Variants in NWD2 observed in about 807,000 individuals in gnomAD.
NWD2 encodes the protein NACHT and WD repeat domain containing 2, also known as NACHT and WD repeat domain-containing protein 2.
In NWD2, 37 loss-of-function variants were observed where a neutral mutation model predicts 132.7. That is an observed-to-expected ratio of 0.28 (90% CI 0.21 to 0.37). NWD2 has a LOEUF of 0.37. Among genes scored for constraint, NWD2 ranks in the 10% least tolerant of loss-of-function variants. The pLI is 1.00. For synonymous variants in NWD2, 705 were observed against 803.0 expected (o/e 0.88, Z 2.06); for missense variants, 1,592 against 2,122.4 (o/e 0.75, Z 4.91).
chr4:37,369,195 G>A (rs1410096160), intron 3 of NWD2, among the ~76,000 whole-genome samples: 5 of 151,910 alleles, frequency 3.3e-5, no homozygotes, highest in Admixed American at 1.3e-4. Context: ...TTTATGAAAG[G>A]TAATTATTTG....
chr4:37,393,939 A>G (rs917506219), intron 3 of NWD2, among the ~76,000 whole-genome samples: 9 of 152,218 alleles, frequency 5.9e-5, no homozygotes, highest in South Asian at 2.1e-4. Context: ...CGGTTCCCCA[A>G]TGGCAAAGAT....
At chr4:37,309,615 A>G (rs1405154614) in intron 1 of NWD2, among the ~76,000 whole-genome samples, 1 of 152,068 alleles carries the variant, frequency 6.6e-6, no homozygotes. Context: ...GTGGGAACTC[A>G]GCATGAGTTC....
At chr4:37,419,945 A>G (rs1173524380) in intron 3 of NWD2, among the ~76,000 whole-genome samples, 1 of 152,196 alleles carries the variant, frequency 6.6e-6, no homozygotes, top group East Asian at 1.9e-4. Flanking sequence ...GCCAAACTAC[A>G]TCTTCAAAAT....
chr4:37,408,541 G>A (rs1333542692), intron 3 of NWD2, among the ~76,000 whole-genome samples: 1 of 152,246 alleles, frequency 6.6e-6, no homozygotes, highest in African/African-American at 2.4e-5. Context: ...GGGACTTGCA[G>A]ATAAAACCCC....
At chr4:37,304,134 A>G (rs945735425) in intron 1 of NWD2, among the ~76,000 whole-genome samples, 8 of 152,208 alleles carry the variant, frequency 5.3e-5, no homozygotes, top group African/African-American at 1.7e-4. Context: ...GAAAACTTAC[A>G]GTCATGGTGG....
At chr4:37,328,810 T>G (rs12512083) in intron 2 of NWD2, among the ~76,000 whole-genome samples, 25,206 of 152,106 alleles carry the variant, frequency 0.17, 2,501 homozygotes, top group East Asian at 0.37. Flanking sequence ...ACCTCTCTTT[T>G]GCATCATACT....
rs1377888900 is a variant in NWD2, at chr4:37,244,911, C to T, written c.-157C>T. ...CTCCTCGCCGGCGGGTGCTGTGCGC[C>T]ACGGAGCTCGCCAAAGGCGCTTCGG... On this transcript the variant is annotated 5_prime_UTR_variant, in exon 1 of 7. Coordinates refer to ENST00000309447, the MANE Select transcript of NWD2 (RefSeq NM_001144990.2). The surrounding 1 kb of genome is among the most constrained non-coding windows in gnomAD (Gnocchi z 5.5). 2.2e-6 allele frequency: 2 copies of T among 921,722 alleles called. No homozygotes were observed. Among genetic ancestry groups the T allele is most frequent in the African/African-American group, 1.8e-5 (1 of 56,660 alleles). 57.1% of individuals were successfully genotyped at this position (921,722 alleles called of 1,614,324 possible). A position where few individuals can be genotyped will look rare whatever the true frequency, so the allele number is the denominator to read the frequency against.
At chr4:37,290,719 A>AG (rs1718341672) in intron 1 of NWD2, among the ~76,000 whole-genome samples, 1 of 152,230 alleles carries the variant, frequency 6.6e-6, no homozygotes, top group African/African-American at 2.4e-5. Context: ...TAAAAGGTGA[A>AG]GTCTGCAGAA....
chr4:37,382,486 G>A (rs969567326), intron 3 of NWD2, among the ~76,000 whole-genome samples: 12 of 151,946 alleles, frequency 7.9e-5, no homozygotes, highest in Non-Finnish European at 1.5e-4. Context: ...TGCAAATTTC[G>A]ACATTTGGAA....
chr4:37,386,642 A>G (rs1316805848), intron 3 of NWD2, among the ~76,000 whole-genome samples: 1 of 152,094 alleles, frequency 6.6e-6, no homozygotes, highest in African/African-American at 2.4e-5. Flanking sequence ...AGAATTTTTT[A>G]TATTATATTT....
intron 2 of NWD2, among the ~76,000 whole-genome samples, chr4:37,328,279 A>G (rs1356996391): frequency 6.6e-6 from 1 of 152,040 alleles, no homozygotes; most frequent in African/African-American, 2.4e-5. Context: ...AAGTTCTGGT[A>G]TACGTGTGCA....
intron 1 of NWD2, among the ~76,000 whole-genome samples, chr4:37,323,546 G>C (rs749837976): frequency 6.6e-6 from 1 of 152,044 alleles, no homozygotes; most frequent in African/African-American, 2.4e-5. Flanking sequence ...AACAACAGGC[G>C]CTGGCAAGGC....
At chr4:37,296,888 A>G (rs1358917136) in intron 1 of NWD2, among the ~76,000 whole-genome samples, 1 of 152,222 alleles carries the variant, frequency 6.6e-6, no homozygotes, top group African/African-American at 2.4e-5. Context: ...ACAGGAACCT[A>G]GCCCTGTATT....
intron 1 of NWD2, among the ~76,000 whole-genome samples, chr4:37,285,967 G>T (rs1560385313): frequency 6.6e-6 from 1 of 152,204 alleles, no homozygotes; most frequent in Non-Finnish European, 1.5e-5. Context: ...GCAACTTGGT[G>T]TTAGAATCAT....
In NWD2 at chr4:37,447,181, A is replaced by G; in HGVS notation, c.5193A>G (p.Leu1731=). The G allele has an allele frequency of 6.4e-7, 1 of 1,551,280 alleles. No individual in the cohort carries two copies. Among genetic ancestry groups the G allele is most frequent in the African/African-American group, 1.4e-5 (1 of 73,178 alleles). The stretch of plus-strand genomic sequence containing the variant: ...GTTATGAGCGGGTATGCTCGGCCCT[A>G]GAAGCCAGGGGCCACAGCTATGCCC... ...NSCYERVCSA[L]EARGHSYAPD... The change falls in exon 7 of 7, where the codon CTA becomes CTG. Residue 1731 remains leucine (L), a synonymous_variant. Coordinates refer to ENST00000309447, the MANE Select transcript of NWD2 (RefSeq NM_001144990.2).
At chr4:37,301,146 A>G (rs927631779) in intron 1 of NWD2, among the ~76,000 whole-genome samples, 7 of 152,140 alleles carry the variant, frequency 4.6e-5, no homozygotes, top group African/African-American at 1.4e-4. Context: ...AAGATAATCT[A>G]TAGTCTTTCT....
intron 5 of NWD2, among the ~76,000 whole-genome samples, chr4:37,435,903 G>A (rs1354964400): frequency 6.6e-6 from 1 of 152,118 alleles, no homozygotes; most frequent in Non-Finnish European, 1.5e-5. Flanking sequence ...AATTGCTGAC[G>A]TGCCAACTCT....
At chr4:37,287,297 C>T (rs1718254799) in intron 1 of NWD2, among the ~76,000 whole-genome samples, 1 of 152,244 alleles carries the variant, frequency 6.6e-6, no homozygotes. Context: ...GCAACCAGCA[C>T]CACAGCTGTA....
Position 37,377,679 on chromosome 4 carries a change from C to T in NWD2, c.357+21197C>T, listed in dbSNP as rs536971255. ...CCAGGAGGCGGAGGTTGCGGTGAGCCGAGATCACGCCGTTGCACTCCAGCC... is the reference window on the plus strand; with the variant it reads ...CCAGGAGGCGGAGGTTGCGGTGAGCTGAGATCACGCCGTTGCACTCCAGCC... On this transcript the variant is annotated intron_variant, in intron 3 of 6. Transcript: ENST00000309447. 7.0e-3 allele frequency among the ~76,000 whole-genome samples: 1,060 copies of T among 152,126 alleles called. 3 individuals carry two copies. The highest frequency in any genetic ancestry group is 0.01 in the African/African-American group (431 of 41,500).
Sources: allele counts gnomAD v4.1 joint callset (sites outside exome capture counted in the v4.1 genomes callset), GRCh38; gene constraint gnomAD v4.1.1; non-coding constraint Gnocchi (gnomAD v3.1); transcripts MANE v1.5; gene names NCBI Gene and HGNC (gene_info 2026-07-23, HGNC 2026-07-21).